The following CYP11A1 variants were observed in gnomAD, a reference collection of about 807,000 sequenced individuals.
The protein encoded by CYP11A1 is cholesterol side-chain cleavage enzyme, mitochondrial.
CYP11A1 carries 25 observed loss-of-function variants against 51.9 expected under a neutral mutation model. The observed-to-expected ratio is 0.48, with a 90% CI of 0.35 to 0.67. The LOEUF (loss-of-function observed/expected upper bound fraction) is 0.67, where lower values mean the gene tolerates loss of function less well. Among genes scored for constraint, CYP11A1 ranks in the 30% least tolerant of loss-of-function variants. The probability of loss-of-function intolerance (pLI) is 0.00; values close to 1 mark genes in which losing one functional copy is unlikely to be tolerated. For synonymous variants in CYP11A1, 245 were observed against 262.1 expected (o/e 0.93, Z 0.63); for missense variants, 578 against 680.9 (o/e 0.85, Z 1.68).
Position 74,361,975 on chromosome 15 carries a change from G to A in CYP11A1, c.269+5342C>T, listed in dbSNP as rs375125484. 282 of 1,297,984 alleles carry A rather than the reference G, an allele frequency of 2.2e-4. 3 individuals are homozygous for A. The East Asian group carries it at 2.8e-3, about 13-fold the overall frequency. The allele number at this position is 1,297,984 out of a possible 1,614,324, so 80.4% of individuals were successfully genotyped here. A position where few individuals can be genotyped will look rare whatever the true frequency, so the allele number is the denominator to read the frequency against. On this transcript the variant is annotated intron_variant, in intron 1 of 8. Coordinates refer to ENST00000268053, the MANE Select transcript of CYP11A1 (RefSeq NM_000781.3). ...AAGGCATGAATATTGTGGAGGCCAC[G>A]GAGCGCTTTGGGTCCAGGAATGGCA...
chr15:74,343,130 T>C lies in CYP11A1; in HGVS notation c.837A>G (p.Ile279Met), dbSNP rs1018213482. Residue 279 changes from isoleucine to methionine, a missense_variant, in exon 5 of 9, where the codon ATA becomes ATG. By Grantham distance (10) the Ile-to-Met change is conservative. Coordinates refer to ENST00000268053, the MANE Select transcript of CYP11A1 (RefSeq NM_000781.3). ...AWDVIFSKADIYTQNFYWELR... is the reference protein window; with the variant it reads ...AWDVIFSKADMYTQNFYWELR... ...ATTCCCAGTAGAAGTTCTGGGTGTA[T>C]ATGTCAGCTGTGGGGAAGGAGGAAA... The C allele has an allele frequency of 8.1e-6, 13 of 1,613,564 alleles. No homozygotes were observed. The highest frequency in any genetic ancestry group is 1.1e-5 in the Non-Finnish European group (13 of 1,180,012).
At chr15:74,344,509 G>A (rs1050818314) in intron 3 of CYP11A1, among the ~76,000 whole-genome samples, 1 of 152,120 alleles carries the variant, frequency 6.6e-6, no homozygotes, top group Non-Finnish European at 1.5e-5. Context: ...AAAGCTCTGG[G>A]CACCCCAAAT....
intron 1 of CYP11A1, chr15:74,350,696 T>C (rs2060652036): frequency 6.6e-6 from 1 of 152,344 alleles, no homozygotes; most frequent in African/African-American, 2.4e-5. Flanking sequence ...ATAAGGCATA[T>C]GGAATTAACC....
intron 2 of CYP11A1, among the ~76,000 whole-genome samples, chr15:74,347,507 C>T (rs1810369363): frequency 1.3e-5 from 2 of 152,198 alleles, no homozygotes; most frequent in Admixed American, 1.3e-4. Context: ...CTCACTGCCC[C>T]TTTAGCCTGT....
Position 74,339,170 on chromosome 15 carries a change from T to A in CYP11A1, c.1236+67A>T, listed in dbSNP as rs367829107. On this transcript the variant is annotated intron_variant, in intron 7 of 8. Transcript: ENST00000268053. Reference sequence around the variant, plus strand: ...ACCAGGGCCCCAGTGCCACCCTCTGTCTGCAATTCCAGCCTGCCCCAGCCC... The same window carrying A: ...ACCAGGGCCCCAGTGCCACCCTCTGACTGCAATTCCAGCCTGCCCCAGCCC... The A allele has an allele frequency of 1.3e-5, 18 of 1,368,836 alleles. No homozygotes were observed. The East Asian group carries it at 2.5e-4, about 19-fold the overall frequency. 84.8% of individuals were successfully genotyped at this position (1,368,836 alleles called of 1,614,324 possible).
In CYP11A1 at chr15:74,339,255, A is replaced by G; in HGVS notation, c.1218T>C (p.Asp406=). 1 of 1,613,974 alleles carries G rather than the reference A, an allele frequency of 6.2e-7. No homozygotes were observed. The highest frequency in any genetic ancestry group is 8.5e-7 in the Non-Finnish European group (1 of 1,179,872). Residue 406 remains aspartate, a synonymous_variant, in exon 7 of 9, where the codon GAT becomes GAC. Transcript: ENST00000268053. ...RYLVNDLVLR[D]YMIPAKTLVQ... ...CACCTACCTTGGCAGGAATCATGTA[A>G]TCTCGAAGAACCAAGTCATTTACAA... is the stretch of plus-strand genomic sequence containing the variant.
At chr15:74,359,184 C>A (rs2060695553) in intron 1 of CYP11A1, among the ~76,000 whole-genome samples, 2 of 152,148 alleles carry the variant, frequency 1.3e-5, no homozygotes, top group Admixed American at 6.5e-5. Flanking sequence ...CTTTTAACAA[C>A]CCCACAATAT....
At chr15:74,366,413 A>G (rs972711665) in intron 1 of CYP11A1, among the ~76,000 whole-genome samples, 7 of 150,138 alleles carry the variant, frequency 4.7e-5, no homozygotes, top group African/African-American at 1.7e-4. Flanking sequence ...CCTCCCGAGT[A>G]GCTGGGATTA....
intron 3 of CYP11A1, among the ~76,000 whole-genome samples, chr15:74,344,305 C>T (rs982512037): frequency 1.3e-5 from 2 of 152,184 alleles, no homozygotes; most frequent in African/African-American, 4.8e-5. Flanking sequence ...CAGGCTTCCA[C>T]CAAGAGAGAT....
In CYP11A1 at chr15:74,346,800, C is replaced by CTT. The variant is rs1046360822; in HGVS notation, c.425+1098_425+1099dup. On this transcript the variant is annotated intron_variant, in intron 2 of 8. Coordinates refer to ENST00000268053, the MANE Select transcript of CYP11A1 (RefSeq NM_000781.3). The stretch of plus-strand genomic sequence containing the variant: ...ATGGTTACGTTTTACCTTTTCTTTT[C>CTT]TTTTTTTTTTTTTTTTTTGAGACAG... Among the ~76,000 whole-genome samples, 128 of 131,720 alleles carry CTT rather than the reference C, an allele frequency of 9.7e-4. 2 individuals carry two copies. Among genetic ancestry groups the CTT allele is most frequent in the African/African-American group, 3.0e-3 (106 of 35,296 alleles). 86.4% of individuals were successfully genotyped at this position (131,720 alleles called of 152,430 possible).
chr15:74,363,852 CAAAAA>C (rs1245547784), intron 1 of CYP11A1: 1 of 152,104 alleles, frequency 6.6e-6, no homozygotes. Context: ...AAAACCTGAT[CAAAAA>C]GGGAATTTTT....
intron 1 of CYP11A1, 95 bp downstream of exon 1, chr15:74,367,222 G>T (rs2060737949): frequency 3.7e-6 from 5 of 1,357,750 alleles, no homozygotes; most frequent in South Asian, 1.2e-5. Flanking sequence ...TTTGGAACCA[G>T]AGAACAGCCT....
intron 1 of CYP11A1, chr15:74,363,998 A>G (rs1217643061): frequency 6.6e-6 from 1 of 152,248 alleles, no homozygotes; most frequent in Non-Finnish European, 1.5e-5. Flanking sequence ...AGAAAAGACT[A>G]GGTTTTGTTT....
intron 1 of CYP11A1, among the ~76,000 whole-genome samples, chr15:74,349,871 C>T (rs1392517432): frequency 2.0e-5 from 3 of 152,070 alleles, no homozygotes; most frequent in Non-Finnish European, 2.9e-5. Flanking sequence ...GGATCACTTG[C>T]GCCCAGGAAT....
chr15:74,351,056 G>C (rs1423582838), intron 1 of CYP11A1: 1 of 152,210 alleles, frequency 6.6e-6, no homozygotes, highest in Non-Finnish European at 1.5e-5. Context: ...CCTAAACACG[G>C]AGACAACTGC....
At chr15:74,339,853 C>T in intron 5 of CYP11A1, 100 bp from the exon 6 acceptor site, 2 of 1,174,534 alleles carry the variant, frequency 1.7e-6, no homozygotes, top group Non-Finnish European at 2.5e-6. Context: ...CCAAGAACCT[C>T]TTTCTCCCCG....
chr15:74,348,093 G>C (rs760243643), intron 1 of CYP11A1, 38 bp from the exon 2 acceptor site: 31 of 1,609,062 alleles, frequency 1.9e-5, no homozygotes, highest in Admixed American at 6.7e-5. Flanking sequence ...GGAAGGATCC[G>C]AGGAGAGCTA....
At position 74,339,290 on chromosome 15, in the gene CYP11A1, G is replaced by T. The variant is rs752776256; in HGVS notation, c.1183C>A (p.Gln395Lys). The T allele has an allele frequency of 9.9e-6, 16 of 1,614,070 alleles. No homozygotes were observed. The highest frequency in any genetic ancestry group is 1.3e-5 in the African/African-American group (1 of 74,940). ...LRLHPISVTL[Q>K]RYLVNDLVLR... ...ACCAAGTCATTTACAAGATATCTCTGCAGGGTCACGGAGATGGGGTGAAGT... is the reference window on the plus strand; with the variant it reads ...ACCAAGTCATTTACAAGATATCTCTTCAGGGTCACGGAGATGGGGTGAAGT... The change falls in exon 7 of 9, where the codon CAG becomes AAG. Residue 395 changes from glutamine (Q) to lysine (K), a missense_variant. Gln to Lys is a moderately conservative substitution (Grantham distance 53). Coordinates refer to ENST00000268053, the MANE Select transcript of CYP11A1 (RefSeq NM_000781.3).
rs757299093 is a variant in CYP11A1, at chr15:74,343,131, AT to A, written c.835del (p.Ile279TyrfsTer10). 86 of 1,613,542 alleles carry A rather than the reference AT, an allele frequency of 5.3e-5. No homozygotes were observed. Among genetic ancestry groups the A allele is most frequent in the Non-Finnish European group, 7.2e-5 (85 of 1,179,994 alleles). On this transcript the variant is annotated frameshift_variant, in exon 5 of 9. Coordinates refer to ENST00000268053, the MANE Select transcript of CYP11A1 (RefSeq NM_000781.3). LOFTEE classifies it high-confidence loss of function. ...AWDVIFSKAD[I>X]YTQNFYWELR... ...TTCCCAGTAGAAGTTCTGGGTGTAT[AT>A]GTCAGCTGTGGGGAAGGAGGAAAGA...
Sources: allele counts gnomAD v4.1 joint callset (sites outside exome capture counted in the v4.1 genomes callset), GRCh38; gene constraint gnomAD v4.1.1; transcripts MANE v1.5; gene names NCBI Gene and HGNC (gene_info 2026-07-23, HGNC 2026-07-21).